The following TMPRSS4 variants were observed in gnomAD, a reference collection of about 807,000 sequenced individuals.
TMPRSS4 encodes the protein transmembrane protease serine 4.
A neutral mutation model predicts 56.4 loss-of-function variants in TMPRSS4; 45 were observed. That is an observed-to-expected ratio of 0.80 (90% CI 0.63 to 1.02). The LOEUF (loss-of-function observed/expected upper bound fraction) is 1.02. Among genes scored for constraint, TMPRSS4 ranks in the 50% least tolerant of loss-of-function variants. TMPRSS4 has a pLI of 0.00. For missense variants in TMPRSS4, 546 were observed against 556.7 expected (o/e 0.98, Z 0.19); for synonymous variants, 205 against 211.0 (o/e 0.97, Z 0.25).
At chr11:118,099,382 G>C (rs1027154137) in intron 3 of TMPRSS4, among the ~76,000 whole-genome samples, 1 of 149,578 alleles carries the variant, frequency 6.7e-6, no homozygotes, top group African/African-American at 2.5e-5. Context: ...AAGCTTTGCA[G>C]AAAAAATCAT....
At chr11:118,088,055 G>C (rs951720762) in intron 1 of TMPRSS4, among the ~76,000 whole-genome samples, 1 of 152,196 alleles carries the variant, frequency 6.6e-6, no homozygotes, top group African/African-American at 2.4e-5. Context: ...CTGCATGCTG[G>C]TTATATCCAA....
chr11:118,107,981 G>A (rs1485168054), intron 6 of TMPRSS4, 106 bp downstream of exon 6: 1 of 852,246 alleles, frequency 1.2e-6, no homozygotes, highest in Admixed American at 2.1e-5. Flanking sequence ...GGGAATGTAA[G>A]CAGACATCAG....
At chr11:118,083,159 T>C (rs1425190100) in intron 1 of TMPRSS4, among the ~76,000 whole-genome samples, 1 of 152,220 alleles carries the variant, frequency 6.6e-6, no homozygotes, top group African/African-American at 2.4e-5. Context: ...ATCCAGCTTT[T>C]GCTCACACAT....
intron 2 of TMPRSS4, among the ~76,000 whole-genome samples, chr11:118,097,633 C>A (rs2135373892): frequency 6.6e-6 from 1 of 152,296 alleles, no homozygotes; most frequent in Non-Finnish European, 1.5e-5. Context: ...TCCCAGGTTC[C>A]TTCTCCTTGG....
rs1947749857 is a variant in TMPRSS4 at position 118,120,267 on chromosome 11, T to C, written c.*2354T>C. 1 of 152,258 alleles carries C rather than the reference T, an allele frequency of 6.6e-6. No homozygotes were observed. Among genetic ancestry groups the C allele is most frequent in the African/African-American group, 2.4e-5 (1 of 41,478 alleles). The allele number at this position is 152,258 out of a possible 1,614,324, so 9.4% of individuals were successfully genotyped here. A position where few individuals can be genotyped will look rare whatever the true frequency, so the allele number is the denominator to read the frequency against. The stretch of plus-strand genomic sequence containing the variant: ...TTTTGGCTATTGTGAATTATGCTGC[T>C]GTGAACATGGGTGTACAAGTATCTC... On this transcript the variant is annotated 3_prime_UTR_variant, in exon 13 of 13. Transcript: ENST00000437212.
intron 4 of TMPRSS4, among the ~76,000 whole-genome samples, chr11:118,104,132 G>A (rs1173813745): frequency 6.6e-6 from 1 of 152,166 alleles, no homozygotes; most frequent in Non-Finnish European, 1.5e-5. Context: ...GAGTGATGGG[G>A]CTTCTGAGGG....
downstream of TMPRSS4, among the ~76,000 whole-genome samples, chr11:118,122,128 G>C (rs1048547357): frequency 6.6e-6 from 1 of 152,078 alleles, no homozygotes; most frequent in Admixed American, 6.6e-5. Flanking sequence ...ACTAAGGAGG[G>C]AAAAGCACAG....
Position 118,114,843 on chromosome 11 carries a change from A to G in TMPRSS4, c.925A>G (p.Ile309Val), listed in dbSNP as rs1947454838. The G allele has an allele frequency of 1.2e-6, 2 of 1,607,420 alleles. No individual in the cohort carries two copies. Among genetic ancestry groups the G allele is most frequent in the Non-Finnish European group, 1.7e-6 (2 of 1,177,242 alleles). The part of the protein sequence containing the change: ...PLTFSGTVRP[I>V]CLPFFDEELT... ...GCTCCTGGCAGGCACAGTCAGGCCC[A>G]TCTGTCTGCCCTTCTTTGATGAGGA... The change falls in exon 10 of 13, where the codon ATC becomes GTC. Residue 309 changes from isoleucine to valine, a missense_variant. Transcript: ENST00000437212.
intron 2 of TMPRSS4, among the ~76,000 whole-genome samples, chr11:118,096,532 C>T (rs1245424112): frequency 6.6e-6 from 1 of 152,038 alleles, no homozygotes; most frequent in Non-Finnish European, 1.5e-5. Context: ...GCCAGTAATC[C>T]TAGAACTTTG....
chr11:118,112,935 G>A (rs1030604047), intron 8 of TMPRSS4, among the ~76,000 whole-genome samples: 1 of 150,216 alleles, frequency 6.7e-6, no homozygotes, highest in Non-Finnish European at 1.5e-5. Flanking sequence ...AGCACGTAAT[G>A]TAACTGACAG....
intron 2 of TMPRSS4, among the ~76,000 whole-genome samples, chr11:118,097,703 T>A (rs1442759695): frequency 1.3e-5 from 2 of 152,136 alleles, no homozygotes; most frequent in South Asian, 4.1e-4. Context: ...AGTGATAAGC[T>A]CCTACCTGGT....
chr11:118,081,456 C>T (rs748149321), intron 1 of TMPRSS4, among the ~76,000 whole-genome samples: 1 of 152,216 alleles, frequency 6.6e-6, no homozygotes, highest in Non-Finnish European at 1.5e-5. Context: ...GATGGAAAAC[C>T]GCAACAGTCC....
intron 4 of TMPRSS4, 27 bp downstream of exon 4, chr11:118,103,280 G>A: frequency 6.2e-7 from 1 of 1,603,184 alleles, no homozygotes; most frequent in Non-Finnish European, 8.5e-7. Context: ...AGGCACAAGA[G>A]AAGTGGGCCC....
chr11:118,101,170 C>T (rs530754734), intron 3 of TMPRSS4, among the ~76,000 whole-genome samples: 54 of 152,202 alleles, frequency 3.5e-4, no homozygotes, highest in African/African-American at 1.2e-3. Context: ...CACTGTGTGC[C>T]CTGGGAAAAT....
intron 1 of TMPRSS4, among the ~76,000 whole-genome samples, chr11:118,085,463 A>G (rs1038079665): frequency 6.6e-6 from 1 of 152,110 alleles, no homozygotes; most frequent in East Asian, 1.9e-4. Context: ...GGCTGGAGTC[A>G]GTCCCAATCA....
rs1234038012 is a variant in TMPRSS4 at position 118,077,189 on chromosome 11, G to A, written c.-114G>A. The A allele has an allele frequency of 1.4e-6, 2 of 1,400,996 alleles. No homozygotes were observed. The highest frequency in any genetic ancestry group is 1.3e-5 in the South Asian group (1 of 78,344). The allele number at this position is 1,400,996 out of a possible 1,614,324, so 86.8% of individuals were successfully genotyped here. On this transcript the variant is annotated 5_prime_UTR_variant, in exon 1 of 13. Transcript: ENST00000437212. ...GGCCTCCTCCAGCCAGTGCTGACCA[G>A]GGACTTCTGACCTGCTGGCCAGCCA...
chr11:118,117,834 A>G, intron 12 of TMPRSS4, 68 bp from the exon 13 acceptor site: 2 of 1,613,948 alleles, frequency 1.2e-6, no homozygotes, highest in East Asian at 2.2e-5. Flanking sequence ...GACTCACGTT[A>G]CACATGTCAC....
At chr11:118,095,144 C>T (rs941450445) in intron 2 of TMPRSS4, 21 of 429,780 alleles carry the variant, frequency 4.9e-5, no homozygotes, top group African/African-American at 2.8e-4. Flanking sequence ...TAAAACTGTA[C>T]GTACCTGCCA....
chr11:118,099,090 T>A lies in TMPRSS4; in HGVS notation c.149T>A (p.Val50Asp). The A allele has an allele frequency of 6.2e-7, 1 of 1,613,634 alleles. No homozygotes were observed. The highest frequency in any genetic ancestry group is 8.5e-7 in the Non-Finnish European group (1 of 1,179,670). Residue 50 changes from valine to aspartate, a missense_variant, in exon 3 of 13, where the codon GTT becomes GAT. By Grantham distance (152) the Val-to-Asp change is radical. Coordinates refer to ENST00000437212, the MANE Select transcript of TMPRSS4 (RefSeq NM_019894.4). ...AGCCTGGCGAGTATCATCATTGTGGTTGTCCTCAGTAAGTGACAGCCCGTA... is the reference window on the plus strand; with the variant it reads ...AGCCTGGCGAGTATCATCATTGTGGATGTCCTCAGTAAGTGACAGCCCGTA... ...LLSLASIIIV[V>D]VLIKVILDKY...
Sources: gnomAD v4.1 joint callset for allele counts (sites outside exome capture counted in the v4.1 genomes callset) on GRCh38, gnomAD v4.1.1 for gene constraint, MANE v1.5 for transcripts, NCBI Gene and HGNC (gene_info 2026-07-23, HGNC 2026-07-21) for gene names.